Variants in GAP43 observed in about 807,000 individuals in gnomAD.
The protein encoded by GAP43 is neuromodulin.
In GAP43, 6 loss-of-function variants were observed where a neutral mutation model predicts 18.6. The ratio of observed to expected loss-of-function variants is 0.32; its 90% CI spans 0.18 to 0.64. GAP43 has a LOEUF of 0.64. GAP43 is among the 30% of genes least tolerant of loss of function. The pLI is 0.78. For synonymous variants in GAP43, 115 were observed against 111.4 expected (o/e 1.03, Z -0.20); for missense variants, 292 against 295.5 (o/e 0.99, Z 0.09).
At chr3:115,665,235 A>G (rs1021151343) in intron 1 of GAP43, among the ~76,000 whole-genome samples, 1 of 152,196 alleles carries the variant, frequency 6.6e-6, no homozygotes, top group African/African-American at 2.4e-5. Flanking sequence ...CCTCCTACAC[A>G]GAGATTCTGG....
intron 1 of GAP43, among the ~76,000 whole-genome samples, chr3:115,631,406 A>AAATTAGGTT (rs1183660731): frequency 6.6e-6 from 1 of 152,172 alleles, no homozygotes; most frequent in East Asian, 1.9e-4. Context: ...TTTCTTCTTA[A>AAATTAGGTT]AATTAGGTTG....
At chr3:115,672,384 G>T (rs1278615361) in intron 1 of GAP43, among the ~76,000 whole-genome samples, 3 of 152,100 alleles carry the variant, frequency 2.0e-5, no homozygotes, top group Non-Finnish European at 2.9e-5. Context: ...AGAACCTGGG[G>T]TTACTCCACA....
At position 115,683,145 on chromosome 3, in the gene GAP43, G is replaced by GCACACA. The variant is rs1391349178; in HGVS notation, c.628+6536_628+6537insACACAC. 4.7e-4 allele frequency among the ~76,000 whole-genome samples: 50 copies of GCACACA among 105,534 alleles called. 1 individual carries two copies. The highest frequency in any genetic ancestry group is 7.2e-4 in the African/African-American group (22 of 30,568). 69.2% of individuals were successfully genotyped at this position (105,534 alleles called of 152,430 possible). ...CATGTGCGCGCGCGTGCGCGCGCGC[G>GCACACA]CGCACACACACACACACACACACAC... is the stretch of plus-strand genomic sequence containing the variant. On this transcript the variant is annotated intron_variant, in intron 2 of 2. Coordinates refer to ENST00000305124, the MANE Select transcript of GAP43 (RefSeq NM_002045.4).
chr3:115,704,640 G>A (rs1709338568), intron 2 of GAP43, among the ~76,000 whole-genome samples: 1 of 151,984 alleles, frequency 6.6e-6, no homozygotes, highest in Non-Finnish European at 1.5e-5. Context: ...TAGCAATGGA[G>A]GGAAGGAAGA....
At chr3:115,696,879 C>T (rs917049113) in intron 2 of GAP43, among the ~76,000 whole-genome samples, 1 of 151,634 alleles carries the variant, frequency 6.6e-6, no homozygotes, top group Non-Finnish European at 1.5e-5. Context: ...GTTGCCCAGG[C>T]TAGAGTGTAG....
chr3:115,714,860 C>A (rs1709484153), intron 2 of GAP43, among the ~76,000 whole-genome samples: 1 of 142,620 alleles, frequency 7.0e-6, no homozygotes, highest in Non-Finnish European at 1.5e-5. Context: ...TACATAGATA[C>A]ACGTGTGCGC....
intron 1 of GAP43, among the ~76,000 whole-genome samples, chr3:115,652,233 G>C (rs9879754): frequency 6.6e-6 from 1 of 150,848 alleles, no homozygotes; most frequent in Admixed American, 6.6e-5. Context: ...ATTATCTTTT[G>C]TATTATTTAT....
intron 2 of GAP43, among the ~76,000 whole-genome samples, chr3:115,698,130 TAA>T (rs10595150): frequency 0.34 from 7,229 of 21,196 alleles, 954 homozygotes; most frequent in Non-Finnish European, 0.53. Flanking sequence ...ATATTATATA[TAA>T]TATATATAAT....
At chr3:115,630,730 TCTC>T (rs1708250600) in intron 1 of GAP43, among the ~76,000 whole-genome samples, 1 of 152,188 alleles carries the variant, frequency 6.6e-6, no homozygotes, top group South Asian at 2.1e-4. Context: ...TCTATTATTT[TCTC>T]CTCCTGTCAG....
intron 1 of GAP43, among the ~76,000 whole-genome samples, chr3:115,673,654 A>G (rs1047450144): frequency 1.3e-5 from 2 of 152,178 alleles, no homozygotes; most frequent in Non-Finnish European, 2.9e-5. Flanking sequence ...TTATGCTTCC[A>G]TCTCTGAGCA....
intron 1 of GAP43, among the ~76,000 whole-genome samples, chr3:115,638,511 C>CTT (rs113774206): frequency 2.1e-5 from 3 of 144,790 alleles, no homozygotes; most frequent in Non-Finnish European, 3.0e-5. Flanking sequence ...ACACATCACA[C>CTT]TTTTTTTTTT....
intron 1 of GAP43, among the ~76,000 whole-genome samples, chr3:115,666,450 C>T (rs929396368): frequency 2.6e-5 from 4 of 152,060 alleles, no homozygotes; most frequent in African/African-American, 7.2e-5. Context: ...ATCAACATGC[C>T]TTAACTTAAT....
Position 115,719,078 on chromosome 3 carries a change from C to G in GAP43, c.629-1716C>G, listed in dbSNP as rs189877108. ...CTCAAAGCATAGCTGTATTATGTTC[C>G]TTGCTCAAGTGCTTTCAAGCTATGT... On this transcript the variant is annotated intron_variant, in intron 2 of 2. Coordinates refer to ENST00000305124, the MANE Select transcript of GAP43 (RefSeq NM_002045.4). Among the ~76,000 whole-genome samples the G allele has an allele frequency of 9.6e-4, 146 of 152,228 alleles. 1 individual carries two copies. The highest frequency in any genetic ancestry group is 3.4e-3 in the African/African-American group (142 of 41,540).
At chr3:115,666,553 G>A (rs1448091110) in intron 1 of GAP43, among the ~76,000 whole-genome samples, 2 of 152,146 alleles carry the variant, frequency 1.3e-5, no homozygotes, top group African/African-American at 2.4e-5. Context: ...TTCTGAGTAT[G>A]TACAAAGTGT....
chr3:115,676,003 C>T lies in GAP43; in HGVS notation c.31-10C>T. 6.3e-7 allele frequency: 1 copy of T among 1,584,918 alleles called. No individual in the cohort carries two copies. Among genetic ancestry groups the T allele is most frequent in the Admixed American group, 1.8e-5 (1 of 54,506 alleles). On this transcript the variant is annotated splice_polypyrimidine_tract_variant and intron_variant, in intron 1 of 2. Transcript: ENST00000305124. ...GAAGCCCTCTCTTTTCCCTTCTTTT[C>T]TCGACAAAGGTTGAAAAAAATGATG...
intron 1 of GAP43, among the ~76,000 whole-genome samples, chr3:115,665,947 G>T (rs1285035420): frequency 2.0e-5 from 3 of 151,638 alleles, no homozygotes; most frequent in African/African-American, 7.3e-5. Flanking sequence ...GATATAGTTG[G>T]ATCAATGGGA....
Position 115,720,940 on chromosome 3 carries a change from C to T in GAP43, c.*58C>T, listed in dbSNP as rs1174848244. On this transcript the variant is annotated 3_prime_UTR_variant, in exon 3 of 3. Coordinates refer to ENST00000305124, the MANE Select transcript of GAP43 (RefSeq NM_002045.4). The stretch of plus-strand genomic sequence containing the variant: ...TCCCCTCTCCTGAGCCTGTCTCTCC[C>T]TACCCTCTTCTCAGCTCCACTCTGA... 5.1e-6 allele frequency: 6 copies of T among 1,178,094 alleles called. No homozygotes were observed. Among genetic ancestry groups the T allele is most frequent in the Non-Finnish European group, 7.5e-6 (6 of 797,482 alleles). 73.0% of individuals were successfully genotyped at this position (1,178,094 alleles called of 1,614,324 possible). A position where few individuals can be genotyped will look rare whatever the true frequency, so the allele number is the denominator to read the frequency against.
intron 1 of GAP43, among the ~76,000 whole-genome samples, chr3:115,649,081 A>G (rs1708493604): frequency 6.6e-6 from 1 of 152,100 alleles, no homozygotes; most frequent in African/African-American, 2.4e-5. Context: ...AATTCCTGCT[A>G]CTACAAAAAA....
At chr3:115,658,723 G>A (rs1708618801) in intron 1 of GAP43, 1 of 152,204 alleles carries the variant, frequency 6.6e-6, no homozygotes, top group Non-Finnish European at 1.5e-5. Context: ...CCGAACACCC[G>A]GGAGTTCGCT....
Sources: allele counts gnomAD v4.1 joint callset (sites outside exome capture counted in the v4.1 genomes callset), GRCh38; gene constraint gnomAD v4.1.1; transcripts MANE v1.5; gene names NCBI Gene and HGNC (gene_info 2026-07-23, HGNC 2026-07-21).